Variants in DIDO1 observed in about 807,000 individuals in gnomAD.
DIDO1 encodes death inducer-obliterator 1.
A neutral mutation model predicts 99.4 loss-of-function variants in DIDO1; 16 were observed. The ratio of observed to expected loss-of-function variants is 0.16; its 90% CI spans 0.11 to 0.24. The LOEUF (loss-of-function observed/expected upper bound fraction) is 0.24. DIDO1 is among the 10% of genes least tolerant of loss of function. DIDO1 has a pLI of 1.00. For synonymous variants in DIDO1, 1,366 were observed against 1,239.1 expected (o/e 1.10, Z -2.15); for missense variants, 2,996 against 3,014.0 (o/e 0.99, Z 0.14).
chr20:62,922,139 TACACAC>T (rs139183167), intron 1 of DIDO1, among the ~76,000 whole-genome samples: 3 of 146,386 alleles, frequency 2.0e-5, no homozygotes, highest in South Asian at 2.2e-4. Context: ...TATACATATA[TACACAC>T]ACACACACAC....
At chr20:62,904,918 G>A (rs1600977872) in intron 6 of DIDO1, 1 of 919,194 alleles carries the variant, frequency 1.1e-6, no homozygotes, top group East Asian at 1.2e-4. Context: ...GGGGCACTCT[G>A]TGATCATCTT....
chr20:62,894,760 G>C lies in DIDO1; in HGVS notation c.2436+50C>G. ...AATTTAAGATAACCTCAAAACATTT[G>C]GGATGGATTAGTCTATTCTCGGTGA... On this transcript the variant is annotated intron_variant, in intron 10 of 15. Transcript: ENST00000395343. This position sits in a 1 kb window ranked among gnomAD's most constrained non-coding sequence, Gnocchi z 4.4. The C allele has an allele frequency of 6.4e-7, 1 of 1,560,084 alleles. No individual in the cohort carries two copies.
rs752200383 is a variant in DIDO1, at chr20:62,894,111, T to C, written c.2656A>G (p.Lys886Glu). ...GGGTCAGGTGCAGAGCTGTCATGCT[T>C]TGATTTTAAGTCTTCTTTCTTAACA... ...ASVKKEDLKS[K>E]HDSSAPDPAP... is the part of the protein sequence containing the mutation. Residue 886 changes from lysine to glutamate, a missense_variant, in exon 12 of 16, where the codon AAG becomes GAG. By Grantham distance (56) the Lys-to-Glu change is moderately conservative (BLOSUM62 1). Around this residue, in one of 5 missense-constraint regions of DIDO1, gnomAD observed 898 missense variants for 972.7 expected, o/e 0.92. Coordinates refer to ENST00000395343, the MANE Select transcript of DIDO1 (RefSeq NM_001193369.2). This position sits in a 1 kb window ranked among gnomAD's most constrained non-coding sequence, Gnocchi z 4.4. 7 of 1,614,028 alleles carry C rather than the reference T, an allele frequency of 4.3e-6. No homozygotes were observed. The highest frequency in any genetic ancestry group is 8.5e-7 in the Non-Finnish European group (1 of 1,180,032).
At chr20:62,907,993 T>C (rs2064844583) in intron 4 of DIDO1, among the ~76,000 whole-genome samples, 1 of 152,104 alleles carries the variant, frequency 6.6e-6, no homozygotes. Flanking sequence ...CTTTTTTTTT[T>C]GTTTGAGACA....
At position 62,893,994 on chromosome 20, in the gene DIDO1, C is replaced by T. The variant is rs2064458454; in HGVS notation, c.2773G>A (p.Asp925Asn). The change falls in exon 12 of 16, where the codon GAC (aspartate) becomes AAC (asparagine). Residue 925 changes from aspartate (D) to asparagine (N), a missense_variant. This residue lies in a region of DIDO1 where 898 missense variants were observed against 972.7 expected (regional missense o/e 0.92). Transcript: ENST00000395343. ...GLESASHPNV[D>N]RTYFPGPPGD... ...GGAGGCCCAGGGAAATACGTTCTGT[C>T]CACATTTGGATGAGAAGCACTTTCT... The T allele has an allele frequency of 6.2e-7, 1 of 1,614,052 alleles. No homozygotes were observed. The highest frequency in any genetic ancestry group is 1.3e-5 in the African/African-American group (1 of 74,940).
chr20:62,923,923 T>C (rs930551949), intron 1 of DIDO1, among the ~76,000 whole-genome samples: 3 of 152,210 alleles, frequency 2.0e-5, no homozygotes, highest in African/African-American at 4.8e-5. Flanking sequence ...ACAGAATTCT[T>C]ATTAAAATAT....
chr20:62,891,889 T>C, intron 14 of DIDO1, 98 bp downstream of exon 14: 7 of 979,630 alleles, frequency 7.1e-6, no homozygotes, highest in Non-Finnish European at 1.1e-5. Context: ...CAGGCTAACA[T>C]TTTAAGTGTT....
At position 62,881,781 on chromosome 20, in the gene DIDO1, T is replaced by C; in HGVS notation, c.4175A>G (p.Asp1392Gly). Residue 1392 changes from aspartate to glycine, a missense_variant, in exon 16 of 16, where the codon GAC becomes GGC. Physicochemically the swap from Asp to Gly is moderately conservative, Grantham distance 94. This residue lies in a region of DIDO1 where 1,562 missense variants were observed against 1,412.6 expected (regional missense o/e 1.11). Coordinates refer to ENST00000395343, the MANE Select transcript of DIDO1 (RefSeq NM_001193369.2). The surrounding 1 kb of genome is among the most constrained non-coding windows in gnomAD (Gnocchi z 8.3). ...CTGAGTGTCGAAGGCCCTCTCCGGG[T>C]CGTACTCCTCCTCAGGGTCGTATGG... ...DRPYDPEEEYDPERAFDTQLV... is the reference protein window; with the variant it reads ...DRPYDPEEEYGPERAFDTQLV... The C allele has an allele frequency of 6.2e-7, 1 of 1,613,280 alleles. No individual in the cohort carries two copies.
At position 62,896,750 on chromosome 20, in the gene DIDO1, C is replaced by T. The variant is rs762490084; in HGVS notation, c.1835G>A (p.Arg612Lys). 1 of 1,613,496 alleles carries T rather than the reference C, an allele frequency of 6.2e-7. No individual in the cohort carries two copies. Among genetic ancestry groups the T allele is most frequent in the South Asian group, 1.1e-5 (1 of 91,082 alleles). Residue 612 changes from arginine to lysine, a missense_variant, in exon 7 of 16, where the codon AGG (arginine) becomes AAG (lysine). Arg to Lys is a conservative substitution (Grantham distance 26, BLOSUM62 2). Coordinates refer to ENST00000395343, the MANE Select transcript of DIDO1 (RefSeq NM_001193369.2). This position sits in a 1 kb window ranked among gnomAD's most constrained non-coding sequence, Gnocchi z 4.4. ...CGCTGCAGGTGCCGGTCCGGCCTGC[C>T]TGGCAGCTGAAGCACCACTCGATGG... ...ATPSSGASAA[R>K]QAGPAPAAAT...
In DIDO1 at chr20:62,896,577, T is replaced by C; in HGVS notation, c.2008A>G (p.Ile670Val). Reference sequence around the variant, plus strand: ...AAGGAGCGTCTGATATTTTGCCGAATTTGTGAATTTGGCTGCGATGGTGCA... The same window carrying C: ...AAGGAGCGTCTGATATTTTGCCGAACTTGTGAATTTGGCTGCGATGGTGCA... ...SAAPSQPNSQ[I>V]RQNIRRSLKE... Residue 670 changes from isoleucine (I) to valine (V), a missense_variant, in exon 7 of 16, where the codon ATT becomes GTT. Physicochemically the swap from Ile to Val is conservative, Grantham distance 29 (BLOSUM62 3). This residue lies in a region of DIDO1 where 898 missense variants were observed against 972.7 expected (regional missense o/e 0.92). Coordinates refer to ENST00000395343, the MANE Select transcript of DIDO1 (RefSeq NM_001193369.2). The surrounding 1 kb of genome is among the most constrained non-coding windows in gnomAD (Gnocchi z 4.4). 6.3e-7 allele frequency: 1 copy of C among 1,595,568 alleles called. No homozygotes were observed. Among genetic ancestry groups the C allele is most frequent in the Non-Finnish European group, 8.5e-7 (1 of 1,171,918 alleles).
At chr20:62,885,285 G>A (rs1487738857) in intron 15 of DIDO1, among the ~76,000 whole-genome samples, 1 of 152,158 alleles carries the variant, frequency 6.6e-6, no homozygotes. Flanking sequence ...GGCCTCGTGT[G>A]GGGAAGTTAC....
At chr20:62,936,873 CTAAA>C (rs1411643738) in intron 1 of DIDO1, among the ~76,000 whole-genome samples, 3 of 152,016 alleles carry the variant, frequency 2.0e-5, no homozygotes, top group Admixed American at 6.5e-5. Flanking sequence ...AAATAAATAA[CTAAA>C]TAAAGACCAA....
intron 4 of DIDO1, 35 bp downstream of exon 4, chr20:62,909,664 C>A: frequency 6.2e-7 from 1 of 1,603,854 alleles, no homozygotes; most frequent in Non-Finnish European, 8.5e-7. Flanking sequence ...GTGAGGCCGA[C>A]TGCTGAATGC....
chr20:62,909,252 A>T (rs2064872215), intron 4 of DIDO1, among the ~76,000 whole-genome samples: 2 of 152,260 alleles, frequency 1.3e-5, no homozygotes, highest in Admixed American at 1.3e-4. Flanking sequence ...AGAAGCTGAC[A>T]GCATGTGGGA....
intron 15 of DIDO1, chr20:62,887,121 G>A (rs1157349225): frequency 2.0e-6 from 2 of 985,492 alleles, no homozygotes; most frequent in African/African-American, 3.5e-5. Flanking sequence ...GCACACTAGG[G>A]TGCACTGCGC....
In DIDO1 at chr20:62,879,058, CATCAGAATTGTAAAGATGT is replaced by C; in HGVS notation, c.*156_*174del. ...TTAAAGTTTAGTTTTTTTAAAAAAG[CATCAGAATTGTAAAGATGT>C]GAAATCTTGTAAGAAACCATTTACA... is the stretch of plus-strand genomic sequence containing the variant. On this transcript the variant is annotated 3_prime_UTR_variant, in exon 16 of 16. Coordinates refer to ENST00000395343, the MANE Select transcript of DIDO1 (RefSeq NM_001193369.2). The surrounding 1 kb of genome is among the most constrained non-coding windows in gnomAD (Gnocchi z 6.3). The C allele has an allele frequency of 1.9e-6, 1 of 533,948 alleles. No homozygotes were observed. The highest frequency in any genetic ancestry group is 2.0e-5 in the African/African-American group (1 of 50,774). The allele number at this position is 533,948 out of a possible 1,614,324, so 33.1% of individuals were successfully genotyped here.
chr20:62,933,015 C>T (rs571060072), intron 1 of DIDO1, among the ~76,000 whole-genome samples: 1 of 152,184 alleles, frequency 6.6e-6, no homozygotes. Flanking sequence ...GAGTTCGAGA[C>T]CAGCCTGACC....
chr20:62,906,673 G>A (rs2064812165), intron 5 of DIDO1, among the ~76,000 whole-genome samples: 1 of 151,218 alleles, frequency 6.6e-6, no homozygotes, highest in South Asian at 2.1e-4. Context: ...GGGCCTTCAA[G>A]TCTAAGACAA....
chr20:62,926,736 G>A (rs1568891719), upstream of DIDO1, among the ~76,000 whole-genome samples: 1 of 152,252 alleles, frequency 6.6e-6, no homozygotes, highest in Non-Finnish European at 1.5e-5. Context: ...GTGAAAGCTG[G>A]GGCAGTGCCC....
Sources: gnomAD v4.1 joint callset for allele counts (sites outside exome capture counted in the v4.1 genomes callset) on GRCh38, gnomAD v4.1.1 for gene constraint, gnomAD v4.1.1 regional missense constraint, Gnocchi (gnomAD v3.1) non-coding constraint, MANE v1.5 for transcripts, NCBI Gene and HGNC (gene_info 2026-07-23, HGNC 2026-07-21) for gene names.